The following PPP2R5E variants were observed in gnomAD, a reference collection of about 807,000 sequenced individuals.
PPP2R5E encodes the protein serine/threonine-protein phosphatase 2A 56 kDa regulatory subunit epsilon isoform.
A neutral mutation model predicts 65.3 loss-of-function variants in PPP2R5E; 4 were observed. That is an observed-to-expected ratio of 0.06 (90% CI 0.03 to 0.14). The LOEUF (loss-of-function observed/expected upper bound fraction) is 0.14, where lower values mean the gene tolerates loss of function less well. Among genes scored for constraint, PPP2R5E ranks in the 10% least tolerant of loss-of-function variants. PPP2R5E has a pLI of 1.00. For missense variants in PPP2R5E, 274 were observed against 556.1 expected, an observed-to-expected ratio of 0.49 and a Z score of 5.10; for synonymous variants, 183 against 187.4, an observed-to-expected ratio of 0.98 and a Z score of 0.19.
At chr14:63,433,509 A>G (rs1887800541) in intron 3 of PPP2R5E, among the ~76,000 whole-genome samples, 1 of 152,128 alleles carries the variant, frequency 6.6e-6, no homozygotes, top group Non-Finnish European at 1.5e-5. Context: ...CTGATTCTGC[A>G]GAGAAGAATC....
intron 2 of PPP2R5E, among the ~76,000 whole-genome samples, chr14:63,457,619 T>G (rs1889194549): frequency 6.6e-6 from 1 of 152,166 alleles, no homozygotes; most frequent in Non-Finnish European, 1.5e-5. Context: ...TCACCTATCT[T>G]CCAGTGAAAA....
chr14:63,479,577 T>C (rs1890589728), intron 2 of PPP2R5E, among the ~76,000 whole-genome samples: 1 of 152,166 alleles, frequency 6.6e-6, no homozygotes, highest in South Asian at 2.1e-4. Context: ...AAACATAACT[T>C]AAGTCTTTAG....
At chr14:63,393,085 G>A (rs1594820977) in intron 8 of PPP2R5E, among the ~76,000 whole-genome samples, 1 of 152,340 alleles carries the variant, frequency 6.6e-6, no homozygotes, top group East Asian at 1.9e-4. Context: ...GACATGGTGA[G>A]TGACCTAGAA....
At chr14:63,397,342 A>C (rs908674436) in intron 5 of PPP2R5E, among the ~76,000 whole-genome samples, 21 of 152,020 alleles carry the variant, frequency 1.4e-4, no homozygotes, top group African/African-American at 4.8e-4. Flanking sequence ...TCTCTAGTAA[A>C]AATACAAAAA....
chr14:63,504,003 A>C (rs1892037264), intron 2 of PPP2R5E, among the ~76,000 whole-genome samples: 1 of 152,218 alleles, frequency 6.6e-6, no homozygotes, highest in African/African-American at 2.4e-5. Flanking sequence ...ATTTGAATAC[A>C]TCACTTCATT....
At chr14:63,467,460 A>T (rs533101155) in intron 2 of PPP2R5E, among the ~76,000 whole-genome samples, 4 of 152,258 alleles carry the variant, frequency 2.6e-5, no homozygotes, top group Admixed American at 1.3e-4. Context: ...GGGGTAGTAC[A>T]AACATTTTCT....
intron 2 of PPP2R5E, among the ~76,000 whole-genome samples, chr14:63,492,885 G>A (rs1250452072): frequency 6.6e-6 from 1 of 152,110 alleles, no homozygotes; most frequent in Non-Finnish European, 1.5e-5. Context: ...ACCAGAAATT[G>A]CGTCTTTAGA....
At chr14:63,501,839 T>C (rs1891905768) in intron 2 of PPP2R5E, among the ~76,000 whole-genome samples, 1 of 152,236 alleles carries the variant, frequency 6.6e-6, no homozygotes, top group Admixed American at 6.5e-5. Flanking sequence ...GCAATCTGAG[T>C]TCTCTATTTT....
intron 7 of PPP2R5E, 143 bp from the exon 8 acceptor site, chr14:63,394,071 T>A (rs964946598): frequency 3.9e-5 from 3 of 77,658 alleles, no homozygotes; most frequent in Admixed American, 2.4e-4. Flanking sequence ...CAGAATTTCC[T>A]TTTTTTTTTT....
chr14:63,385,389 G>T (rs940603414), intron 11 of PPP2R5E, among the ~76,000 whole-genome samples: 6 of 152,112 alleles, frequency 3.9e-5, no homozygotes, highest in Non-Finnish European at 8.8e-5. Flanking sequence ...GGAAGGAAAA[G>T]AAGTTTTCCT....
chr14:63,503,989 C>A (rs1281318226), intron 2 of PPP2R5E, among the ~76,000 whole-genome samples: 1 of 152,112 alleles, frequency 6.6e-6, no homozygotes, highest in Non-Finnish European at 1.5e-5. Flanking sequence ...CCTCTGAGTG[C>A]AAAATTTGAA....
chr14:63,431,225 G>T (rs547063414), intron 3 of PPP2R5E, among the ~76,000 whole-genome samples: 10 of 150,190 alleles, frequency 6.7e-5, no homozygotes, highest in Admixed American at 2.0e-4. Context: ...CCAAGATCAC[G>T]CCACTGCACT....
chr14:63,486,293 T>TACACACAC (rs374427574), intron 2 of PPP2R5E, among the ~76,000 whole-genome samples: 14,439 of 127,792 alleles, frequency 0.11, 891 homozygotes, highest in East Asian at 0.12. Context: ...CTTTCCCCAT[T>TACACACAC]ACACACACAC....
chr14:63,506,471 T>C (rs569091269), intron 2 of PPP2R5E, among the ~76,000 whole-genome samples: 6 of 151,672 alleles, frequency 4.0e-5, no homozygotes, highest in African/African-American at 1.5e-4. Context: ...AAAGTAATAA[T>C]AATAATAACA....
chr14:63,480,684 G>A (rs112981932), intron 2 of PPP2R5E, among the ~76,000 whole-genome samples: 152 of 152,178 alleles, frequency 1.0e-3, no homozygotes, highest in African/African-American at 3.3e-3. Flanking sequence ...AGTCTCAAGC[G>A]ATCCTCCTTT....
chr14:63,457,977 C>T (rs1889223920), intron 2 of PPP2R5E, among the ~76,000 whole-genome samples: 1 of 152,138 alleles, frequency 6.6e-6, no homozygotes, highest in South Asian at 2.1e-4. Flanking sequence ...GTCATTCTCC[C>T]CCTTATGTCT....
At chr14:63,425,402 T>A (rs1220279451) in intron 3 of PPP2R5E, among the ~76,000 whole-genome samples, 1 of 152,242 alleles carries the variant, frequency 6.6e-6, no homozygotes, top group African/African-American at 2.4e-5. Flanking sequence ...AAACTATACA[T>A]GTAATTCAAA....
rs907304655 is a variant in PPP2R5E at position 63,534,227 on chromosome 14, A to G, written c.157+5302T>C. Among the ~76,000 whole-genome samples the G allele has an allele frequency of 5.3e-5, 8 of 152,168 alleles. No individual in the cohort carries two copies. In the South Asian group the frequency reaches 1.5e-3, roughly 28 times the overall value. ...CTGTCTTACTCAACAACTTACCTAGATAACAGTCAAGGCTTGCTTCATGTC... is the reference window on the plus strand; with the variant it reads ...CTGTCTTACTCAACAACTTACCTAGGTAACAGTCAAGGCTTGCTTCATGTC... On this transcript the variant is annotated intron_variant, in intron 2 of 13. Transcript: ENST00000337537.
chr14:63,495,085 C>T (rs770219886), intron 2 of PPP2R5E, among the ~76,000 whole-genome samples: 3 of 151,438 alleles, frequency 2.0e-5, no homozygotes, highest in Non-Finnish European at 4.4e-5. Context: ...CACCAGTAAT[C>T]CCAGCTACTT....
Sources: gnomAD v4.1 joint callset for allele counts (sites outside exome capture counted in the v4.1 genomes callset) on GRCh38, gnomAD v4.1.1 for gene constraint, MANE v1.5 for transcripts, NCBI Gene and HGNC (gene_info 2026-07-23, HGNC 2026-07-21) for gene names.